The following LMX1B variants were observed in gnomAD, a reference collection of about 807,000 sequenced individuals.
LMX1B encodes the protein LIM homeobox transcription factor 1-beta.
In LMX1B, 12 loss-of-function variants were observed where a neutral mutation model predicts 51.4. The ratio of observed to expected loss-of-function variants is 0.23; its 90% CI spans 0.15 to 0.38. The LOEUF is 0.38. Ranked by LOEUF, LMX1B falls within the 10% of genes least tolerant of loss-of-function variation. The pLI is 1.00. For synonymous variants in LMX1B, 237 were observed against 235.4 expected (o/e 1.01, Z -0.06); for missense variants, 445 against 571.1 (o/e 0.78, Z 2.25).
At chr9:126,637,493 T>A (rs1212956319) in intron 2 of LMX1B, among the ~76,000 whole-genome samples, 3 of 151,304 alleles carry the variant, frequency 2.0e-5, no homozygotes, top group Non-Finnish European at 4.4e-5. Flanking sequence ...GGGTTGTGGG[T>A]GATTCTGTGG....
At chr9:126,646,560 A>G (rs1404905579) in intron 2 of LMX1B, among the ~76,000 whole-genome samples, 1 of 152,134 alleles carries the variant, frequency 6.6e-6, no homozygotes, top group Non-Finnish European at 1.5e-5. Context: ...TCCAGGGGAG[A>G]GATTGACTGT....
intron 2 of LMX1B, among the ~76,000 whole-genome samples, chr9:126,628,137 T>C (rs1217338414): frequency 6.6e-6 from 1 of 152,188 alleles, no homozygotes; most frequent in Non-Finnish European, 1.5e-5. Flanking sequence ...CCACCATCTT[T>C]CTTGTCTCTG....
At chr9:126,657,792 C>A (rs1312648946) in intron 2 of LMX1B, among the ~76,000 whole-genome samples, 10 of 152,230 alleles carry the variant, frequency 6.6e-5, no homozygotes, top group Admixed American at 6.5e-4. Context: ...AGTCAAGGAA[C>A]CGCAGGGAGC....
At chr9:126,629,045 T>C (rs1210202505) in intron 2 of LMX1B, among the ~76,000 whole-genome samples, 4 of 149,872 alleles carry the variant, frequency 2.7e-5, no homozygotes, top group South Asian at 2.1e-4. Context: ...GTAAGGAAAA[T>C]AGTTATGACC....
chr9:126,639,832 C>T (rs1056852838), intron 2 of LMX1B, among the ~76,000 whole-genome samples: 1 of 152,206 alleles, frequency 6.6e-6, no homozygotes, highest in African/African-American at 2.4e-5. Context: ...CTGTCAATAG[C>T]TTCTCATATG....
chr9:126,653,863 T>G (rs999313531), intron 2 of LMX1B, among the ~76,000 whole-genome samples: 4 of 152,060 alleles, frequency 2.6e-5, no homozygotes, highest in African/African-American at 7.3e-5. Flanking sequence ...TGTCTTGGTA[T>G]CTCTCATCTT....
At chr9:126,630,808 A>G (rs1169074747) in intron 2 of LMX1B, among the ~76,000 whole-genome samples, 2 of 152,280 alleles carry the variant, frequency 1.3e-5, no homozygotes, top group African/African-American at 2.4e-5. Flanking sequence ...CCTCCTGCCC[A>G]GGATAGTGGA....
intron 2 of LMX1B, among the ~76,000 whole-genome samples, chr9:126,678,309 C>CAAAA (rs1365345216): frequency 3.0e-5 from 2 of 66,004 alleles, no homozygotes; most frequent in African/African-American, 1.3e-4. Flanking sequence ...GACTTCGTCT[C>CAAAA]AAAAAAAAAA....
rs146664344 is a variant in LMX1B, at chr9:126,619,602, G to A, written c.326+4033G>A. The stretch of plus-strand genomic sequence containing the variant: ...GGCTGAGGCCCAAAGGGCTCACCCT[G>A]GCAGCCCAAGTCTGGGGACCCTCTG... On this transcript the variant is annotated intron_variant, in intron 2 of 7. Transcript: ENST00000373474. 6.1e-4 allele frequency among the ~76,000 whole-genome samples: 93 copies of A among 152,318 alleles called. No individual in the cohort carries two copies. In the South Asian group the frequency reaches 0.017, roughly 29 times the overall value.
intron 2 of LMX1B, among the ~76,000 whole-genome samples, chr9:126,668,770 ATC>A (rs1487949288): frequency 6.6e-6 from 1 of 152,092 alleles, no homozygotes; most frequent in Non-Finnish European, 1.5e-5. Context: ...CAGAATTTAA[ATC>A]CACATCTTTC....
chr9:126,656,419 A>G (rs1836117706), intron 2 of LMX1B, among the ~76,000 whole-genome samples: 1 of 152,030 alleles, frequency 6.6e-6, no homozygotes, highest in Non-Finnish European at 1.5e-5. Context: ...AGATAGATAG[A>G]TAGATAGATA....
intron 2 of LMX1B, among the ~76,000 whole-genome samples, chr9:126,675,502 G>A (rs772565329): frequency 1.7e-4 from 26 of 151,988 alleles, no homozygotes; most frequent in South Asian, 1.2e-3. Context: ...CGAGGCGGGC[G>A]GATCACAAGG....
chr9:126,671,334 G>A lies in LMX1B; in HGVS notation c.327-19502G>A, dbSNP rs932991404. Among the ~76,000 whole-genome samples the A allele has an allele frequency of 2.6e-4, 39 of 152,130 alleles. No individual in the cohort carries two copies. Among genetic ancestry groups the A allele is most frequent in the Non-Finnish European group, 5.1e-4 (35 of 68,008 alleles). On this transcript the variant is annotated intron_variant, in intron 2 of 7. Coordinates refer to ENST00000373474, the MANE Select transcript of LMX1B (RefSeq NM_001174147.2). This position sits in a 1 kb window ranked among gnomAD's most constrained non-coding sequence, Gnocchi z 4.4. ...AAACCCACAAATATCAGCTAAATGA[G>A]GTGCGCCAGCAGAAGGCCCGCCAGG...
Position 126,690,818 on chromosome 9 carries a change from C to G in LMX1B, c.327-18C>G. ...GACTTCTGAGCACCGCCAACACGCC[C>G]GCTTTGTGCATCCGCAGGCTCTTCG... On this transcript the variant is annotated intron_variant, in intron 2 of 7. Transcript: ENST00000373474. 1 of 1,592,040 alleles carries G rather than the reference C, an allele frequency of 6.3e-7. No individual in the cohort carries two copies. Among genetic ancestry groups the G allele is most frequent in the African/African-American group, 1.3e-5 (1 of 74,624 alleles).
In LMX1B at chr9:126,658,993, G is replaced by A. The variant is rs1836175311; in HGVS notation, c.327-31843G>A. On this transcript the variant is annotated intron_variant, in intron 2 of 7. Coordinates refer to ENST00000373474, the MANE Select transcript of LMX1B (RefSeq NM_001174147.2). This position sits in a 1 kb window ranked among gnomAD's most constrained non-coding sequence, Gnocchi z 4.0. ...TACAGGGTGGGAGGGACCCTTCAGG[G>A]GGCTGAGAGGCGGGTGTTCTGGGGC... is the stretch of plus-strand genomic sequence containing the variant. Among the ~76,000 whole-genome samples the A allele has an allele frequency of 6.6e-6, 1 of 152,190 alleles. No homozygotes were observed. Among genetic ancestry groups the A allele is most frequent in the South Asian group, 2.1e-4 (1 of 4,830 alleles).
chr9:126,691,809 A>G lies in LMX1B; in HGVS notation c.559+741A>G, dbSNP rs149815854. 9.1e-3 allele frequency among the ~76,000 whole-genome samples: 1,379 copies of G among 152,326 alleles called. 15 individuals carry two copies. Among genetic ancestry groups the G allele is most frequent in the African/African-American group, 0.024 (986 of 41,568 alleles). ...GAGCCAGCCTCTGTTTCCCAGCCGA[A>G]GGGAGGGGGCTGGGCCCTCTGTGCT... On this transcript the variant is annotated intron_variant, in intron 3 of 7. Coordinates refer to ENST00000373474, the MANE Select transcript of LMX1B (RefSeq NM_001174147.2).
intron 3 of LMX1B, among the ~76,000 whole-genome samples, chr9:126,692,688 GGT>G (rs1462033475): frequency 1.3e-5 from 2 of 152,258 alleles, no homozygotes; most frequent in African/African-American, 2.4e-5. Context: ...GAATATCTGT[GGT>G]GTGTGTCTTT....
At chr9:126,636,315 G>A (rs1206576395) in intron 2 of LMX1B, among the ~76,000 whole-genome samples, 2 of 152,140 alleles carry the variant, frequency 1.3e-5, no homozygotes, top group African/African-American at 4.8e-5. Flanking sequence ...GCTGGAAGAG[G>A]GCTTCCTGGA....
At chr9:126,636,021 C>G (rs1369317850) in intron 2 of LMX1B, among the ~76,000 whole-genome samples, 2 of 151,740 alleles carry the variant, frequency 1.3e-5, no homozygotes, top group African/African-American at 4.8e-5. Context: ...AGAAGACAGC[C>G]CAGTGAGTTC....
Sources: allele counts gnomAD v4.1 joint callset (sites outside exome capture counted in the v4.1 genomes callset), GRCh38; gene constraint gnomAD v4.1.1; non-coding constraint Gnocchi (gnomAD v3.1); transcripts MANE v1.5; gene names NCBI Gene and HGNC (gene_info 2026-07-23, HGNC 2026-07-21).